SYNE1: variants seen among roughly 807,000 people sequenced by gnomAD.
SYNE1 encodes the protein nesprin-1.
Under a neutral mutation model 1,111.0 loss-of-function variants are expected in SYNE1, and 616 were observed. The observed-to-expected ratio is 0.55, with a 90% CI of 0.52 to 0.59. The LOEUF (loss-of-function observed/expected upper bound fraction) is 0.59, where lower values mean the gene tolerates loss of function less well. SYNE1 is among the 20% of genes least tolerant of loss of function. The pLI is 0.00. For synonymous variants in SYNE1, 3,855 were observed against 3,825.8 expected (o/e 1.01, Z -0.28); for missense variants, 10,006 against 10,417.0 (o/e 0.96, Z 1.72).
In SYNE1 at chr6:152,568,330, G is replaced by A. The variant is rs572513623; in HGVS notation, c.68-28309C>T. 1.8e-3 allele frequency among the ~76,000 whole-genome samples: 193 copies of A among 105,748 alleles called. 1 individual carries two copies. The Middle Eastern group carries it at 0.054, about 29-fold the overall frequency. The allele number at this position is 105,748 out of a possible 152,430, so 69.4% of individuals were successfully genotyped here. A position where few individuals can be genotyped will look rare whatever the true frequency, so the allele number is the denominator to read the frequency against. On this transcript the variant is annotated intron_variant, in intron 3 of 145. Transcript: ENST00000367255. Reference sequence around the variant, plus strand: ...TTTTTTTTTTGAGATAGCATCTCTCGCTCTTTTGCTCAAGCTGGCTGAAGT... The same window carrying A: ...TTTTTTTTTTGAGATAGCATCTCTCACTCTTTTGCTCAAGCTGGCTGAAGT...
At chr6:152,589,034 C>T (rs902594709) in intron 3 of SYNE1, among the ~76,000 whole-genome samples, 1 of 151,956 alleles carries the variant, frequency 6.6e-6, no homozygotes, top group Non-Finnish European at 1.5e-5. Flanking sequence ...ACTGCAACCT[C>T]TACCTCCCTG....
rs377480628 is a variant in SYNE1 at position 152,381,252 on chromosome 6, C to G, written c.8763G>C (p.Thr2921=). The G allele has an allele frequency of 6.2e-7, 1 of 1,614,222 alleles. No homozygotes were observed. Among genetic ancestry groups the G allele is most frequent in the East Asian group, 2.2e-5 (1 of 44,886 alleles). Reference sequence around the variant, plus strand: ...AGTCGGCACGCAGGGCCTGCATCTCCGTGTGCATGAGCTCACACCCACTGG... The same window carrying G: ...AGTCGGCACGCAGGGCCTGCATCTCGGTGTGCATGAGCTCACACCCACTGG... ...TTASGCELMH[T]EMQALRADWK... is the part of the protein sequence containing the mutation. The change falls in exon 56 of 146, where the codon ACG becomes ACC. Residue 2921 remains threonine (T), a synonymous_variant. Coordinates refer to ENST00000367255, the MANE Select transcript of SYNE1 (RefSeq NM_182961.4).
chr6:152,178,508 T>A (rs535463637), intron 129 of SYNE1, among the ~76,000 whole-genome samples: 47 of 152,370 alleles, frequency 3.1e-4, no homozygotes, highest in Middle Eastern at 3.4e-3. Flanking sequence ...TAAAGGCTTA[T>A]CTAATGGCAA....
At chr6:152,519,180 T>C (rs1313084119) in intron 6 of SYNE1, among the ~76,000 whole-genome samples, 1 of 152,152 alleles carries the variant, frequency 6.6e-6, no homozygotes, top group East Asian at 1.9e-4. Context: ...CATATACATT[T>C]TCTAATCTAT....
intron 128 of SYNE1, among the ~76,000 whole-genome samples, chr6:152,187,488 A>G (rs1229293942): frequency 2.6e-5 from 4 of 152,090 alleles, no homozygotes; most frequent in African/African-American, 9.7e-5. Context: ...GTAGGGACAT[A>G]AGAGCCCCCT....
intron 81 of SYNE1, among the ~76,000 whole-genome samples, chr6:152,324,588 A>C (rs1191721945): frequency 6.6e-6 from 1 of 151,946 alleles, no homozygotes; most frequent in Non-Finnish European, 1.5e-5. Context: ...AGGTCAGGAG[A>C]TTGAGAACAT....
intron 6 of SYNE1, among the ~76,000 whole-genome samples, chr6:152,519,007 G>A (rs1413490282): frequency 1.3e-5 from 2 of 149,626 alleles, no homozygotes; most frequent in Non-Finnish European, 3.0e-5. Flanking sequence ...GGAGGGGGGA[G>A]GGATAGCATT....
Position 152,419,588 on chromosome 6 carries a change from A to T in SYNE1, c.5402T>A (p.Val1801Glu), listed in dbSNP as rs2154186781. 1 of 1,613,752 alleles carries T rather than the reference A, an allele frequency of 6.2e-7. No individual in the cohort carries two copies. Among genetic ancestry groups the T allele is most frequent in the East Asian group, 2.2e-5 (1 of 44,844 alleles). ...TSEISIMDHQVALTRHKDHAA... is the reference protein window; with the variant it reads ...TSEISIMDHQEALTRHKDHAA... ...CTTTACCTTATGCCGAGTAAGGGCT[A>T]CTTGATGGTCCATTATGCTAATCTC... Residue 1801 changes from valine to glutamate, a missense_variant, in exon 40 of 146, where the codon GTA (valine) becomes GAA (glutamate). By Grantham distance (121) the Val-to-Glu change is moderately radical. Around this residue, in one of 7 missense-constraint regions of SYNE1, gnomAD observed 4,955 missense variants for 5,017.2 expected, o/e 0.99. Transcript: ENST00000367255.
At chr6:152,506,596 C>T (rs1406635258) in intron 8 of SYNE1, among the ~76,000 whole-genome samples, 1 of 151,866 alleles carries the variant, frequency 6.6e-6, no homozygotes, top group Non-Finnish European at 1.5e-5. Context: ...GGCTGGAGTG[C>T]AGTGGCACAG....
rs2097771033 is a variant in SYNE1 at position 152,398,723 on chromosome 6, G to A, written c.7246C>T (p.Gln2416Ter). ...SLEKHFSESM[Q>*]EFQEWFLGAK... ...CCCAAAAACCATTCTTGGAATTCCT[G>A]CATAGACTCTTTTGAAAGAAAAAAT... Residue 2416 changes from glutamine (Q) to a stop codon, truncating the protein, a stop_gained, in exon 49 of 146, where the codon CAG (glutamine) becomes TAG (stop). Coordinates refer to ENST00000367255, the MANE Select transcript of SYNE1 (RefSeq NM_182961.4). LOFTEE classifies it high-confidence loss of function. 4 of 1,611,690 alleles carry A rather than the reference G, an allele frequency of 2.5e-6. No homozygotes were observed. In the East Asian group the frequency reaches 8.9e-5, roughly 36 times the overall value.
intron 3 of SYNE1, among the ~76,000 whole-genome samples, chr6:152,573,853 C>A (rs981869561): frequency 5.3e-5 from 8 of 152,248 alleles, no homozygotes; most frequent in Non-Finnish European, 1.2e-4. Context: ...ATACAGCAAA[C>A]TTCTATGACT....
rs186348100 is a variant in SYNE1 at position 152,614,109 on chromosome 6, T to C, written c.67+14156A>G. Among the ~76,000 whole-genome samples, 863 of 152,156 alleles carry C rather than the reference T, an allele frequency of 5.7e-3. 7 individuals are homozygous for C. Among genetic ancestry groups the C allele is most frequent in the African/African-American group, 0.02 (818 of 41,474 alleles). ...TTCATGACTAAAACACCAAAAGCAA[T>C]GGCAACAAAAGCCAAAATAGACAAA... On this transcript the variant is annotated intron_variant, in intron 3 of 145. Transcript: ENST00000367255.
intron 92 of SYNE1, among the ~76,000 whole-genome samples, chr6:152,301,096 AT>A (rs1031239998): frequency 1.3e-5 from 2 of 152,198 alleles, no homozygotes; most frequent in African/African-American, 4.8e-5. Context: ...AAAATCACGA[AT>A]CATACAAATG....
At chr6:152,595,632 C>G (rs1178999778) in intron 3 of SYNE1, among the ~76,000 whole-genome samples, 1 of 152,124 alleles carries the variant, frequency 6.6e-6, no homozygotes, top group African/African-American at 2.4e-5. Flanking sequence ...TTGCCAGAAA[C>G]TATATATTCT....
chr6:152,423,072 G>C (rs75550558), intron 39 of SYNE1, among the ~76,000 whole-genome samples: 3,890 of 152,266 alleles, frequency 0.026, 69 homozygotes, highest in Middle Eastern at 0.075. Flanking sequence ...GATGAACTGA[G>C]AGTCAAACAC....
chr6:152,547,767 C>A (rs2099321370), intron 3 of SYNE1, among the ~76,000 whole-genome samples: 1 of 152,144 alleles, frequency 6.6e-6, no homozygotes, highest in Non-Finnish European at 1.5e-5. Context: ...TCACACAGTA[C>A]CTTTCATTCT....
At chr6:152,207,139 A>G (rs1191835771) in intron 125 of SYNE1, among the ~76,000 whole-genome samples, 1 of 152,152 alleles carries the variant, frequency 6.6e-6, no homozygotes, top group Non-Finnish European at 1.5e-5. Context: ...GAGATTAGAT[A>G]AGGGGATGAT....
chr6:152,474,517 T>C (rs770322378), intron 14 of SYNE1: 3 of 152,164 alleles, frequency 2.0e-5, no homozygotes, highest in Non-Finnish European at 4.4e-5. Context: ...GAACCCTCAA[T>C]GAGGGCTAAC....
intron 4 of SYNE1, among the ~76,000 whole-genome samples, chr6:152,537,756 C>A (rs1228995160): frequency 6.6e-6 from 1 of 152,126 alleles, no homozygotes; most frequent in East Asian, 1.9e-4. Context: ...ATTGAATACC[C>A]TTTATTTCTT....
Sources: gnomAD v4.1 joint callset for allele counts (sites outside exome capture counted in the v4.1 genomes callset) on GRCh38, gnomAD v4.1.1 for gene constraint, gnomAD v4.1.1 regional missense constraint, MANE v1.5 for transcripts, NCBI Gene and HGNC (gene_info 2026-07-23, HGNC 2026-07-21) for gene names.